HIPK2: variants seen among roughly 807,000 people sequenced by gnomAD.
HIPK2 encodes homeodomain interacting protein kinase 2.
Under a neutral mutation model 113.7 loss-of-function variants are expected in HIPK2, and 27 were observed. The ratio of observed to expected loss-of-function variants is 0.24; its 90% CI spans 0.17 to 0.33. The LOEUF (loss-of-function observed/expected upper bound fraction) is 0.33. Ranked by LOEUF, HIPK2 falls within the 10% of genes least tolerant of loss-of-function variation. The pLI is 1.00. For synonymous variants in HIPK2, 631 were observed against 642.2 expected (o/e 0.98, Z 0.26); for missense variants, 1,257 against 1,588.0 (o/e 0.79, Z 3.54).
At chr7:139,666,246 T>G (rs1386479562) in intron 2 of HIPK2, among the ~76,000 whole-genome samples, 3 of 152,056 alleles carry the variant, frequency 2.0e-5, no homozygotes, top group Non-Finnish European at 4.4e-5. Context: ...AAAAAAAAAA[T>G]CACAGTTTAA....
At chr7:139,599,062 G>T (rs917081686) in intron 11 of HIPK2, among the ~76,000 whole-genome samples, 1 of 152,180 alleles carries the variant, frequency 6.6e-6, no homozygotes, top group African/African-American at 2.4e-5. Flanking sequence ...TCTGGTATCT[G>T]CTTATATGAG....
At position 139,613,030 on chromosome 7, in the gene HIPK2, A is replaced by G; in HGVS notation, c.2112+172T>C. ...TTTCTTCTTGGAATTGTAAGCAGATACTTAGGAAGGTAATTCACTTGGGGA... is the reference window on the plus strand; with the variant it reads ...TTTCTTCTTGGAATTGTAAGCAGATGCTTAGGAAGGTAATTCACTTGGGGA... On this transcript the variant is annotated intron_variant, in intron 9 of 14. Transcript: ENST00000406875. This position sits in a 1 kb window ranked among gnomAD's most constrained non-coding sequence, Gnocchi z 4.2. The G allele has an allele frequency of 3.5e-6, 1 of 287,258 alleles. No homozygotes were observed. 17.8% of individuals were successfully genotyped at this position (287,258 alleles called of 1,614,324 possible).
intron 5 of HIPK2, among the ~76,000 whole-genome samples, chr7:139,628,305 G>A (rs1319617490): frequency 6.6e-6 from 1 of 152,172 alleles, no homozygotes; most frequent in African/African-American, 2.4e-5. Flanking sequence ...CCTTCTAACG[G>A]CTGCCCCAGG....
chr7:139,575,200 A>C lies in HIPK2; in HGVS notation c.3054T>G (p.Ser1018=). The C allele has an allele frequency of 6.3e-7, 1 of 1,588,274 alleles. No homozygotes were observed. Among genetic ancestry groups the C allele is most frequent in the Non-Finnish European group, 8.6e-7 (1 of 1,167,524 alleles). The change falls in exon 14 of 15, where the codon TCT becomes TCG. Residue 1018 remains serine, a synonymous_variant. Transcript: ENST00000406875. Reference sequence around the variant, plus strand: ...GCTGCTGCCGGTAGGTGATGGCTCCAGATGAGCTCCCTGAAGAGTGACCGC... The same window carrying C: ...GCTGCTGCCGGTAGGTGATGGCTCCCGATGAGCTCCCTGAAGAGTGACCGC... ...STSGHSSGSS[S]GAITYRQQRP...
chr7:139,640,222 CTA>C, intron 2 of HIPK2, among the ~76,000 whole-genome samples: 1 of 152,172 alleles, frequency 6.6e-6, no homozygotes, highest in East Asian at 1.9e-4. Flanking sequence ...ACTGAAAATT[CTA>C]TCTTTCTAAA....
intron 1 of HIPK2, among the ~76,000 whole-genome samples, chr7:139,764,690 G>C (rs1796524354): frequency 6.6e-6 from 1 of 152,198 alleles, no homozygotes; most frequent in Admixed American, 6.5e-5. Flanking sequence ...GTCCCTAACA[G>C]ATAGAGGGAG....
At position 139,613,726 on chromosome 7, in the gene HIPK2, G is replaced by T. The variant is rs573138006; in HGVS notation, c.1991-403C>A. On this transcript the variant is annotated intron_variant, in intron 8 of 14. Transcript: ENST00000406875. The surrounding 1 kb of genome is among the most constrained non-coding windows in gnomAD (Gnocchi z 4.2). ...TGTAACCACACAGTTTACACCATGA[G>T]GCTTGCAAAAATAAATTCTTAAGCT... Among the ~76,000 whole-genome samples, 11 of 152,278 alleles carry T rather than the reference G, an allele frequency of 7.2e-5. No homozygotes were observed. The South Asian group carries it at 2.1e-3, about 29-fold the overall frequency.
At chr7:139,641,401 A>G (rs945863940) in intron 2 of HIPK2, among the ~76,000 whole-genome samples, 2 of 151,318 alleles carry the variant, frequency 1.3e-5, no homozygotes, top group African/African-American at 4.9e-5. Context: ...AAAACTCCCT[A>G]TCCACAATCC....
intron 1 of HIPK2, among the ~76,000 whole-genome samples, chr7:139,735,654 C>A (rs561355663): frequency 6.6e-6 from 1 of 152,116 alleles, no homozygotes; most frequent in Non-Finnish European, 1.5e-5. Flanking sequence ...AGAAGGAAGT[C>A]GCAACTGTTG....
chr7:139,638,656 C>CTTTTTTTTTTGTTTTTTTTTTTTTTT (rs1800894983), intron 2 of HIPK2, among the ~76,000 whole-genome samples: 1 of 130,262 alleles, frequency 7.7e-6, no homozygotes, highest in African/African-American at 3.0e-5. Context: ...AAATAATTGT[C>CTTTTTTTTTTGTTTTTTTTTTTTTTT]TTTTTTTTTT....
In HIPK2 at chr7:139,572,982, A is replaced by G; in HGVS notation, c.3542T>C (p.Val1181Ala). 2.7e-6 allele frequency: 4 copies of G among 1,458,864 alleles called. No homozygotes were observed. The highest frequency in any genetic ancestry group is 3.7e-6 in the Non-Finnish European group (4 of 1,084,864). The allele number at this position is 1,458,864 out of a possible 1,614,324, so 90.4% of individuals were successfully genotyped here. A position where few individuals can be genotyped will look rare whatever the true frequency, so the allele number is the denominator to read the frequency against. Residue 1181 changes from valine (V) to alanine (A), a missense_variant, in exon 15 of 15, where the codon GTC becomes GCC. This residue lies in a region of HIPK2 where 862 missense variants were observed against 1,004.3 expected (regional missense o/e 0.86). Coordinates refer to ENST00000406875, the MANE Select transcript of HIPK2 (RefSeq NM_022740.5). ...TYISASPAST[V>A]YTGYPLSPAK... ...GGGGCTCAGTGGGTATCCAGTGTAGACGGTGGAGGCTGGCGAGGCGCTGAT... is the reference window on the plus strand; with the variant it reads ...GGGGCTCAGTGGGTATCCAGTGTAGGCGGTGGAGGCTGGCGAGGCGCTGAT...
chr7:139,635,632 G>A (rs1800784803), intron 2 of HIPK2, among the ~76,000 whole-genome samples: 1 of 152,022 alleles, frequency 6.6e-6, no homozygotes, highest in South Asian at 2.1e-4. Context: ...GAATGTTCCT[G>A]CTGCGACCGT....
intron 2 of HIPK2, among the ~76,000 whole-genome samples, chr7:139,711,304 T>G (rs1253313064): frequency 3.9e-5 from 6 of 152,078 alleles, no homozygotes; most frequent in African/African-American, 1.4e-4. Flanking sequence ...CATGGGCGCC[T>G]GTAGTCCCAG....
chr7:139,587,913 C>T (rs1026355339), intron 12 of HIPK2, among the ~76,000 whole-genome samples: 2 of 152,038 alleles, frequency 1.3e-5, no homozygotes, highest in East Asian at 1.9e-4. Flanking sequence ...TAGTTAGGTA[C>T]GGTGGCTGAC....
intron 11 of HIPK2, among the ~76,000 whole-genome samples, chr7:139,599,677 G>A (rs1229518510): frequency 1.3e-5 from 2 of 152,150 alleles, no homozygotes; most frequent in East Asian, 3.9e-4. Context: ...CATTTCTTTA[G>A]TATTTTTTAA....
At chr7:139,715,832 A>G in intron 2 of HIPK2, 100 bp downstream of exon 2, 1 of 1,456,704 alleles carries the variant, frequency 6.9e-7, no homozygotes, top group Non-Finnish European at 9.3e-7. Flanking sequence ...CAGGAACTGT[A>G]GACATATAAT....
chr7:139,602,490 G>A (rs930380405), intron 10 of HIPK2, among the ~76,000 whole-genome samples: 9 of 152,006 alleles, frequency 5.9e-5, no homozygotes, highest in Admixed American at 1.3e-4. Context: ...GGAGGGAGGA[G>A]GAATAAGAAA....
chr7:139,713,506 G>T (rs1423799400), intron 2 of HIPK2, among the ~76,000 whole-genome samples: 1 of 152,122 alleles, frequency 6.6e-6, no homozygotes. Context: ...GATGACAAGG[G>T]GGTCTTAAGA....
intron 6 of HIPK2, among the ~76,000 whole-genome samples, chr7:139,625,642 C>T (rs1335804807): frequency 6.6e-6 from 1 of 152,210 alleles, no homozygotes; most frequent in Non-Finnish European, 1.5e-5. Flanking sequence ...CCTCATCCTT[C>T]ACAGGCCACT....
Sources: gnomAD v4.1 joint callset for allele counts (sites outside exome capture counted in the v4.1 genomes callset) on GRCh38, gnomAD v4.1.1 for gene constraint, gnomAD v4.1.1 regional missense constraint, Gnocchi (gnomAD v3.1) non-coding constraint, MANE v1.5 for transcripts, NCBI Gene and HGNC (gene_info 2026-07-23, HGNC 2026-07-21) for gene names.